FRMPD4: variants seen among roughly 807,000 people sequenced by gnomAD.
FRMPD4 encodes the protein FERM and PDZ domain-containing protein 4.
Under a neutral mutation model 94.1 loss-of-function variants are expected in FRMPD4, and 22 were observed. The ratio of observed to expected loss-of-function variants is 0.23; its 90% CI spans 0.17 to 0.33. The LOEUF (loss-of-function observed/expected upper bound fraction) is 0.33, where lower values mean the gene tolerates loss of function less well. Ranked by LOEUF, FRMPD4 falls within the 10% of genes least tolerant of loss-of-function variation. The pLI, the probability that FRMPD4 is intolerant of heterozygous loss-of-function variation, is 1.00. For synonymous variants in FRMPD4, 631 were observed against 548.6 expected (o/e 1.15, Z -2.10); for missense variants, 1,111 against 1,339.9 (o/e 0.83, Z 2.67).
chrX:12,305,185 A>G (rs1336085234), intron 1 of FRMPD4, among the ~76,000 whole-genome samples: 1 of 112,057 alleles, frequency 8.9e-6, no homozygotes, highest in African/African-American at 3.2e-5. Flanking sequence ...AGGACAGGGG[A>G]GAGGTGAGGA....
chrX:11,889,139 C>T (rs1246929685), intron 3 of FRMPD4, among the ~76,000 whole-genome samples: 1 of 112,073 alleles, frequency 8.9e-6, no homozygotes, highest in African/African-American at 3.2e-5. Flanking sequence ...GATATGTGTT[C>T]TCTAACTTTT....
At chrX:11,958,274 T>G (rs1569132717) in intron 3 of FRMPD4, among the ~76,000 whole-genome samples, 1 of 111,780 alleles carries the variant, frequency 8.9e-6, no homozygotes, top group Non-Finnish European at 1.9e-5. Context: ...GTGGAGGTTT[T>G]CATGAGTTGC....
At position 12,717,982 on chromosome X, in the gene FRMPD4, C is replaced by T. The variant is rs757807789; in HGVS notation, c.3156C>T (p.Thr1052=). The part of the protein sequence containing the change: ...GNTTGKKQQG[T]KTAEMEEEAS... ...CAACAGGAAAAAAACAGCAGGGGAC[C>T]AAAACGGCAGAGATGGAGGAGGAGG... is the stretch of plus-strand genomic sequence containing the variant. Residue 1052 remains threonine, a synonymous_variant, in exon 16 of 17, where the codon ACC becomes ACT. Coordinates refer to ENST00000675598, the MANE Select transcript of FRMPD4 (RefSeq NM_001368397.1). 37 of 1,211,566 alleles carry T rather than the reference C, an allele frequency of 3.1e-5. No homozygotes were observed. Among genetic ancestry groups the T allele is most frequent in the Non-Finnish European group, 4.0e-5 (36 of 895,206 alleles).
chrX:12,479,455 T>TA (rs1307477887), intron 1 of FRMPD4, among the ~76,000 whole-genome samples: 11 of 88,281 alleles, frequency 1.2e-4, no homozygotes, highest in African/African-American at 2.1e-4. Context: ...TGTATATATA[T>TA]GTATATATGT....
At chrX:12,228,677 C>CAGA (rs2056950347) in intron 1 of FRMPD4, among the ~76,000 whole-genome samples, 1 of 112,381 alleles carries the variant, frequency 8.9e-6, no homozygotes, top group African/African-American at 3.2e-5. Context: ...ACTTACTTGG[C>CAGA]ATTTCTTAGT....
chrX:12,163,713 ATATT>A (rs1469230997), intron 1 of FRMPD4, among the ~76,000 whole-genome samples: 1 of 112,420 alleles, frequency 8.9e-6, no homozygotes, highest in Non-Finnish European at 1.9e-5. Flanking sequence ...AATACAATCA[ATATT>A]AATTATGCTA....
At chrX:12,491,300 C>G (rs767309929) in intron 1 of FRMPD4, among the ~76,000 whole-genome samples, 1 of 112,258 alleles carries the variant, frequency 8.9e-6, no homozygotes, top group Non-Finnish European at 1.9e-5. Context: ...ATTTAAAAAA[C>G]CACCTTAATC....
intron 3 of FRMPD4, among the ~76,000 whole-genome samples, chrX:12,124,696 G>A (rs560910396): frequency 1.2e-4 from 13 of 111,420 alleles, no homozygotes; most frequent in African/African-American, 4.2e-4. Flanking sequence ...TAGCAACAAA[G>A]TATATTTAAT....
chrX:12,036,949 T>C (rs1472054219), intron 3 of FRMPD4, among the ~76,000 whole-genome samples: 1 of 112,408 alleles, frequency 8.9e-6, no homozygotes, highest in Non-Finnish European at 1.9e-5. Flanking sequence ...CCATTTACTA[T>C]TCCACCTCCA....
chrX:11,960,200 A>G (rs779696026), intron 3 of FRMPD4, among the ~76,000 whole-genome samples: 15 of 112,078 alleles, frequency 1.3e-4, no homozygotes, highest in Non-Finnish European at 2.6e-4. Flanking sequence ...AGGATTTCCT[A>G]TGCTTCCCCT....
At chrX:12,259,182 G>T (rs1389206351) in intron 1 of FRMPD4, among the ~76,000 whole-genome samples, 1 of 111,785 alleles carries the variant, frequency 8.9e-6, no homozygotes, top group Non-Finnish European at 1.9e-5. Context: ...TTCCATCTTG[G>T]AGTCCTGCCT....
At chrX:11,984,524 G>A (rs1384853937) in intron 3 of FRMPD4, among the ~76,000 whole-genome samples, 2 of 112,512 alleles carry the variant, frequency 1.8e-5, no homozygotes, top group Admixed American at 9.4e-5. Flanking sequence ...TGGGTGCAAT[G>A]GTTTTGCTGC....
intron 2 of FRMPD4, among the ~76,000 whole-genome samples, chrX:11,873,636 A>G (rs2053766612): frequency 9.1e-6 from 1 of 109,824 alleles, no homozygotes. Context: ...AAGACTCAAT[A>G]TTGTTTAAAT....
chrX:12,053,359 G>GAAGAAAGAAAGAAAGAAAGAAAGAAAGA (rs57459327), intron 3 of FRMPD4, among the ~76,000 whole-genome samples: 5 of 51,432 alleles, frequency 9.7e-5, no homozygotes, highest in East Asian at 1.2e-3. Flanking sequence ...AGGAAAGAAA[G>GAAGAAAGAAAGAAAGAAAGAAAGAAAGA]AAGAAAGAAA....
intron 3 of FRMPD4, among the ~76,000 whole-genome samples, chrX:11,974,106 C>T (rs2054354865): frequency 9.0e-6 from 1 of 111,537 alleles, no homozygotes; most frequent in Admixed American, 9.5e-5. Context: ...AGATAGGAAA[C>T]AGCTAAGAAA....
chrX:12,630,338 T>C (rs1365982646), intron 4 of FRMPD4, among the ~76,000 whole-genome samples: 2 of 112,538 alleles, frequency 1.8e-5, no homozygotes, highest in Non-Finnish European at 3.7e-5. Flanking sequence ...TATTAATACA[T>C]AAACAAATTA....
intron 1 of FRMPD4, among the ~76,000 whole-genome samples, chrX:12,159,736 G>A (rs1012145319): frequency 6.2e-5 from 7 of 112,148 alleles, no homozygotes; most frequent in Admixed American, 9.5e-5. Context: ...GGCTTACAGG[G>A]ACAATGGGTG....
intron 1 of FRMPD4, among the ~76,000 whole-genome samples, chrX:12,437,123 T>C (rs773799328): frequency 2.1e-4 from 23 of 111,648 alleles, no homozygotes; most frequent in Non-Finnish European, 1.9e-5. Flanking sequence ...TGCTTGGAAG[T>C]TATGCATTTC....
chrX:12,522,476 A>G (rs371573148), intron 2 of FRMPD4, among the ~76,000 whole-genome samples: 2 of 111,863 alleles, frequency 1.8e-5, no homozygotes, highest in African/African-American at 6.5e-5. Context: ...TATTGAATAG[A>G]GGACTTAGTT....
Sources: gnomAD v4.1 joint callset for allele counts (sites outside exome capture counted in the v4.1 genomes callset) on GRCh38, gnomAD v4.1.1 for gene constraint, MANE v1.5 for transcripts, NCBI Gene and HGNC (gene_info 2026-07-23, HGNC 2026-07-21) for gene names.